Variants in ANKRD31 observed in about 807,000 individuals in gnomAD.
The protein encoded by ANKRD31 is ankyrin repeat domain-containing protein 31.
ANKRD31 carries 147 observed loss-of-function variants against 186.0 expected under a neutral mutation model. That is an observed-to-expected ratio of 0.79 (90% CI 0.69 to 0.91). ANKRD31 has a LOEUF of 0.91. Ranked by LOEUF, ANKRD31 falls within the 40% of genes least tolerant of loss-of-function variation. ANKRD31 has a pLI of 0.00. For missense variants in ANKRD31, 1,986 were observed against 2,148.8 expected (o/e 0.92, Z 1.50); for synonymous variants, 673 against 736.4 (o/e 0.91, Z 1.39).
chr5:75,079,549 AC>A (rs1330687113), intron 25 of ANKRD31, among the ~76,000 whole-genome samples: 1 of 151,164 alleles, frequency 6.6e-6, no homozygotes, highest in Non-Finnish European at 1.5e-5. Context: ...ATCTCAGCTT[AC>A]TGCAACCTCC....
intron 10 of ANKRD31, among the ~76,000 whole-genome samples, chr5:75,171,616 G>A (rs1236676908): frequency 6.6e-6 from 1 of 150,604 alleles, no homozygotes; most frequent in African/African-American, 2.4e-5. Flanking sequence ...AATCAATAAA[G>A]TATAAAACAA....
chr5:75,071,601 T>C (rs1471564032), intron 25 of ANKRD31, among the ~76,000 whole-genome samples: 3 of 150,402 alleles, frequency 2.0e-5, no homozygotes, highest in African/African-American at 7.3e-5. Context: ...GTTCAAGCAA[T>C]GCTCTTGCCT....
At chr5:75,213,640 C>T (rs1360035464) in intron 3 of ANKRD31, among the ~76,000 whole-genome samples, 1 of 152,142 alleles carries the variant, frequency 6.6e-6, no homozygotes, top group East Asian at 1.9e-4. Flanking sequence ...GTGACTGAAC[C>T]TTCCCCTGTC....
chr5:75,221,060 A>G (rs1757272224), intron 3 of ANKRD31, among the ~76,000 whole-genome samples: 1 of 152,216 alleles, frequency 6.6e-6, no homozygotes, highest in African/African-American at 2.4e-5. Context: ...TCCTTAGCAA[A>G]CTAATGCAGA....
intron 3 of ANKRD31, among the ~76,000 whole-genome samples, chr5:75,222,043 T>G (rs1757334332): frequency 6.6e-6 from 1 of 152,180 alleles, no homozygotes; most frequent in African/African-American, 2.4e-5. Flanking sequence ...TCAACTGTAT[T>G]TTAAATTCTC....
chr5:75,138,956 C>T lies in ANKRD31; in HGVS notation c.3623G>A (p.Arg1208Lys), dbSNP rs1750812609. 1 of 1,536,654 alleles carries T rather than the reference C, an allele frequency of 6.5e-7. No individual in the cohort carries two copies. ...LGMKAGRINK[R>K]NARGESQLHL... is the part of the protein sequence containing the mutation. ...AAGCTGGCTTTCCCCTCTGGCATTCCTCTTGTTGATCCTACCTGCTTTCAT... is the reference window on the plus strand; with the variant it reads ...AAGCTGGCTTTCCCCTCTGGCATTCTTCTTGTTGATCCTACCTGCTTTCAT... Residue 1208 changes from arginine to lysine, a missense_variant, in exon 16 of 26, where the codon AGG (arginine) becomes AAG (lysine). Arg to Lys is a conservative substitution (Grantham distance 26, BLOSUM62 2). Transcript: ENST00000506364.
At chr5:75,220,292 T>A (rs1191538726) in intron 3 of ANKRD31, among the ~76,000 whole-genome samples, 1 of 152,042 alleles carries the variant, frequency 6.6e-6, no homozygotes, top group Non-Finnish European at 1.5e-5. Flanking sequence ...AGGTCTAATA[T>A]ACAGAATCTA....
chr5:75,175,123 A>G (rs1162522832), intron 10 of ANKRD31, among the ~76,000 whole-genome samples: 1 of 152,222 alleles, frequency 6.6e-6, no homozygotes, highest in Non-Finnish European at 1.5e-5. Flanking sequence ...GCAAACTATC[A>G]CAAGGACAGA....
rs1561474999 is a variant in ANKRD31, at chr5:75,146,361, A to C, written c.3050T>G (p.Leu1017Trp). 10 of 1,536,570 alleles carry C rather than the reference A, an allele frequency of 6.5e-6. No homozygotes were observed. Among genetic ancestry groups the C allele is most frequent in the Non-Finnish European group, 8.7e-6 (10 of 1,146,482 alleles). ...QNSLACMRTL[L>W]THEASKLTNH... ...AGTCAACTTTGAAGCCTCATGTGTC[A>C]AAAGTGTTCTCATACAAGCCAGGGA... is the stretch of plus-strand genomic sequence containing the variant. Residue 1017 changes from leucine to tryptophan, a missense_variant, in exon 14 of 26, where the codon TTG becomes TGG. Physicochemically the swap from Leu to Trp is moderately conservative, Grantham distance 61. Transcript: ENST00000506364.
At chr5:75,221,182 G>A (rs918541503) in intron 3 of ANKRD31, among the ~76,000 whole-genome samples, 1 of 151,972 alleles carries the variant, frequency 6.6e-6, no homozygotes, top group African/African-American at 2.4e-5. Context: ...GAGGGAGAAT[G>A]ATGGGAGAAG....
intron 8 of ANKRD31, 134 bp downstream of exon 8, chr5:75,193,176 TA>T: frequency 1.8e-6 from 2 of 1,124,966 alleles, no homozygotes; most frequent in Middle Eastern, 3.0e-4. Flanking sequence ...AACTGCAAAA[TA>T]AAAAAGCAAT....
In ANKRD31 at chr5:75,156,868, G is replaced by T. The variant is rs546260947; in HGVS notation, c.1708-2523C>A. ...TTTTAGCCCAGTGATTCTGATTTTG[G>T]ACTTCTAGTCTGTAGAGCTGTGAGA... On this transcript the variant is annotated intron_variant, in intron 11 of 25. Transcript: ENST00000506364. Among the ~76,000 whole-genome samples the T allele has an allele frequency of 1.3e-4, 20 of 152,262 alleles. No homozygotes were observed. In the East Asian group the frequency reaches 3.9e-3, roughly 29 times the overall value.
chr5:75,198,786 G>C (rs73114836), intron 6 of ANKRD31, among the ~76,000 whole-genome samples: 7,447 of 152,212 alleles, frequency 0.049, 396 homozygotes, highest in African/African-American at 0.13. Flanking sequence ...CACCAACTAG[G>C]TGCCAGACAT....
At chr5:75,182,713 C>T (rs1045835429) in intron 10 of ANKRD31, among the ~76,000 whole-genome samples, 2 of 148,736 alleles carry the variant, frequency 1.3e-5, no homozygotes, top group African/African-American at 5.0e-5. Flanking sequence ...GAGTGAGAGT[C>T]CAACTTAAAA....
rs766884803 is a variant in ANKRD31, at chr5:75,104,608, G to C, written c.4951C>G (p.Leu1651Val). ...GATGGATGGGCAGCATTTTCGGCAA[G>C]GACACTTGCAGTTTCTGAAATATTT... is the stretch of plus-strand genomic sequence containing the variant. ...KLNISETASV[L>V]AENAAHPSNI... Residue 1651 changes from leucine to valine, a missense_variant, in exon 22 of 26, where the codon CTT becomes GTT. By Grantham distance (32) the Leu-to-Val change is conservative (BLOSUM62 1). Coordinates refer to ENST00000506364, the MANE Select transcript of ANKRD31 (RefSeq NM_001372053.1). The C allele has an allele frequency of 3.3e-6, 5 of 1,536,528 alleles. No individual in the cohort carries two copies. The highest frequency in any genetic ancestry group is 4.4e-6 in the Non-Finnish European group (5 of 1,146,614).
intron 11 of ANKRD31, among the ~76,000 whole-genome samples, chr5:75,161,561 T>G (rs922925130): frequency 6.6e-6 from 1 of 152,228 alleles, no homozygotes; most frequent in Non-Finnish European, 1.5e-5. Flanking sequence ...TCAAGTCAGC[T>G]GCAGAAACTT....
chr5:75,142,403 T>C (rs1192403483), intron 15 of ANKRD31, among the ~76,000 whole-genome samples: 1 of 152,072 alleles, frequency 6.6e-6, no homozygotes, highest in East Asian at 1.9e-4. Context: ...CTTTGCCTTG[T>C]AACCCTGCTG....
At chr5:75,122,647 GATTT>G (rs1748893425) in intron 17 of ANKRD31, among the ~76,000 whole-genome samples, 1 of 151,968 alleles carries the variant, frequency 6.6e-6, no homozygotes, top group Non-Finnish European at 1.5e-5. Flanking sequence ...CAATAAATGT[GATTT>G]ATTACATAAA....
At chr5:75,174,920 A>G (rs6872888) in intron 10 of ANKRD31, among the ~76,000 whole-genome samples, 23,653 of 152,266 alleles carry the variant, frequency 0.16, 2,082 homozygotes, top group African/African-American at 0.23. Flanking sequence ...CTATAAAGAC[A>G]CATGCACATG....
Sources: allele counts gnomAD v4.1 joint callset (sites outside exome capture counted in the v4.1 genomes callset), GRCh38; gene constraint gnomAD v4.1.1; transcripts MANE v1.5; gene names NCBI Gene and HGNC (gene_info 2026-07-23, HGNC 2026-07-21).